Variants in TUSC3 observed in about 807,000 individuals in gnomAD.
TUSC3 encodes the protein tumor suppressor candidate 3, also known as dolichyl-diphosphooligosaccharide--protein glycosyltransferase subunit TUSC3.
TUSC3 carries 45 observed loss-of-function variants against 44.8 expected under a neutral mutation model. The observed-to-expected ratio is 1.00, with a 90% CI of 0.79 to 1.29. The LOEUF is 1.29. TUSC3 is among the 50% of genes most tolerant of loss of function. The pLI is 0.00. For missense variants in TUSC3, 519 were observed against 437.9 expected (o/e 1.19, Z -1.65); for synonymous variants, 212 against 152.9 (o/e 1.39, Z -2.85).
chr8:15,488,531 T>A (rs1370383909), intron 2 of TUSC3, among the ~76,000 whole-genome samples: 1 of 152,060 alleles, frequency 6.6e-6, no homozygotes, highest in East Asian at 1.9e-4. Flanking sequence ...GTCATCTTGG[T>A]AATAAAATAG....
At chr8:15,547,155 T>G (rs1280150934) in intron 1 of TUSC3, among the ~76,000 whole-genome samples, 1 of 151,766 alleles carries the variant, frequency 6.6e-6, no homozygotes, top group Non-Finnish European at 1.5e-5. Flanking sequence ...CCCTTGATGT[T>G]ACCATGAGAA....
chr8:15,509,312 C>T (rs1456034582), intron 2 of TUSC3, among the ~76,000 whole-genome samples: 3 of 152,234 alleles, frequency 2.0e-5, no homozygotes, highest in East Asian at 1.9e-4. Flanking sequence ...ACGTGAAATT[C>T]AAAATCATAA....
chr8:15,615,920 C>G (rs1487066510), intron 1 of TUSC3, among the ~76,000 whole-genome samples: 2 of 152,130 alleles, frequency 1.3e-5, no homozygotes, highest in Non-Finnish European at 2.9e-5. Context: ...GTGGCTTGAA[C>G]TTGTGGACTC....
chr8:15,476,894 G>C (rs531357478), intron 1 of TUSC3, among the ~76,000 whole-genome samples: 1 of 152,150 alleles, frequency 6.6e-6, no homozygotes, highest in Non-Finnish European at 1.5e-5. Flanking sequence ...AGTTACAAAG[G>C]TTACACCCTA....
chr8:15,424,261 C>G (rs903154539), intron 1 of TUSC3, among the ~76,000 whole-genome samples: 2 of 151,992 alleles, frequency 1.3e-5, no homozygotes, highest in Middle Eastern at 3.4e-3. Context: ...GGCATTCATA[C>G]TTTATACAAT....
chr8:15,685,102 A>G (rs1018711071), intron 6 of TUSC3, among the ~76,000 whole-genome samples: 1 of 152,206 alleles, frequency 6.6e-6, no homozygotes, highest in African/African-American at 2.4e-5. Flanking sequence ...CTGGAGCTGC[A>G]CTGCGTAGTG....
At chr8:15,755,057 C>T (rs539451816) in intron 9 of TUSC3, among the ~76,000 whole-genome samples, 21 of 152,184 alleles carry the variant, frequency 1.4e-4, no homozygotes, top group Non-Finnish European at 5.9e-5. Flanking sequence ...AAATCTTCCC[C>T]TAAAGTTTAC....
intron 1 of TUSC3, among the ~76,000 whole-genome samples, chr8:15,607,750 T>G (rs1804594774): frequency 1.3e-5 from 2 of 152,204 alleles, no homozygotes; most frequent in African/African-American, 4.8e-5. Flanking sequence ...TCCTTCAATA[T>G]GCATAACATG....
intron 1 of TUSC3, among the ~76,000 whole-genome samples, chr8:15,575,089 A>C (rs1803041548): frequency 6.6e-6 from 1 of 152,178 alleles, no homozygotes; most frequent in Non-Finnish European, 1.5e-5. Flanking sequence ...GGTTTAAAAA[A>C]TATTATTAGA....
At chr8:15,464,605 A>T (rs1800391356) in intron 1 of TUSC3, among the ~76,000 whole-genome samples, 1 of 152,222 alleles carries the variant, frequency 6.6e-6, no homozygotes, top group Non-Finnish European at 1.5e-5. Flanking sequence ...TTTTATATCT[A>T]ATAAACTTTA....
intron 2 of TUSC3, among the ~76,000 whole-genome samples, chr8:15,493,299 T>G (rs1800834244): frequency 6.6e-6 from 1 of 152,112 alleles, no homozygotes; most frequent in South Asian, 2.1e-4. Context: ...CTCTCTCTGT[T>G]GCCCAGGCTA....
intron 2 of TUSC3, among the ~76,000 whole-genome samples, chr8:15,649,166 T>C (rs955252060): frequency 2.0e-5 from 3 of 152,210 alleles, no homozygotes; most frequent in Non-Finnish European, 2.9e-5. Context: ...CTGTTTGTTT[T>C]GGGAAGTTTT....
At position 15,517,522 on chromosome 8, in the gene TUSC3, C is replaced by CAAAA. The variant is rs71211049; in HGVS notation, n.189+34070_189+34073dup. Reference sequence around the variant, plus strand: ...GAGCTTCCTAACATTTAGCGTGAGGCAAAAAAAAAAAAAAAAAAAAAAAAA... The same window carrying CAAAA: ...GAGCTTCCTAACATTTAGCGTGAGGCAAAAAAAAAAAAAAAAAAAAAAAAAAAAA... On this transcript the variant is annotated intron_variant and non_coding_transcript_variant, in intron 2 of 5. Coordinates refer to the TUSC3 transcript ENST00000503191. Among the ~76,000 whole-genome samples the CAAAA allele has an allele frequency of 3.9e-4, 30 of 77,570 alleles. 2 individuals are homozygous for CAAAA. Among genetic ancestry groups the CAAAA allele is most frequent in the East Asian group, 1.1e-3 (2 of 1,834 alleles). 50.9% of individuals were successfully genotyped at this position (77,570 alleles called of 152,430 possible).
chr8:15,682,497 G>C (rs889319936), intron 6 of TUSC3, among the ~76,000 whole-genome samples: 1 of 151,906 alleles, frequency 6.6e-6, no homozygotes, highest in Non-Finnish European at 1.5e-5. Context: ...GCTCTGTTTG[G>C]TTTTTCATTT....
At chr8:15,499,290 C>T (rs1585066865) in intron 2 of TUSC3, among the ~76,000 whole-genome samples, 1 of 152,190 alleles carries the variant, frequency 6.6e-6, no homozygotes, top group South Asian at 2.1e-4. Context: ...ATTTACTTTT[C>T]AAACCATAAA....
chr8:15,627,168 C>T lies in TUSC3; in HGVS notation c.308+3919C>T, dbSNP rs147687402. ...GCTAGCTGCAGAGAGAAGCTGCCCA[C>T]CCCAGGGTCTCCTCTCTGCTGAGAG... On this transcript the variant is annotated intron_variant, in intron 2 of 10. Coordinates refer to ENST00000503731, the MANE Select transcript of TUSC3 (RefSeq NM_006765.4). Among the ~76,000 whole-genome samples, 722 of 152,290 alleles carry T rather than the reference C, an allele frequency of 4.7e-3. 5 individuals carry two copies. Among genetic ancestry groups the T allele is most frequent in the African/African-American group, 0.017 (696 of 41,562 alleles).
At chr8:15,806,996 C>A in the TUSC3 span, 12 of 1,458,064 alleles carry the variant, frequency 8.2e-6, no homozygotes, top group Non-Finnish European at 1.2e-5. Flanking sequence ...CCATTCTTTA[C>A]ATTTTCCAAA....
intron 2 of TUSC3, among the ~76,000 whole-genome samples, chr8:15,509,210 A>G (rs190613095): frequency 5.9e-5 from 9 of 152,352 alleles, no homozygotes; most frequent in Admixed American, 5.9e-4. Flanking sequence ...AATATTGGAG[A>G]TGATAGTCTT....
intron 1 of TUSC3, among the ~76,000 whole-genome samples, chr8:15,469,435 C>T (rs957890816): frequency 1.4e-4 from 22 of 152,144 alleles, no homozygotes; most frequent in African/African-American, 5.3e-4. Context: ...ATGAAAAATG[C>T]AAATTAAGAC....
Sources: allele counts gnomAD v4.1 joint callset (sites outside exome capture counted in the v4.1 genomes callset), GRCh38; gene constraint gnomAD v4.1.1; transcripts MANE v1.5; gene names NCBI Gene and HGNC (gene_info 2026-07-23, HGNC 2026-07-21).